SPRED3: variants seen among roughly 807,000 people sequenced by gnomAD.
SPRED3 encodes the protein sprouty-related, EVH1 domain-containing protein 3.
A neutral mutation model predicts 37.6 loss-of-function variants in SPRED3; 23 were observed. The ratio of observed to expected loss-of-function variants is 0.61; its 90% CI spans 0.44 to 0.87. SPRED3 has a LOEUF of 0.87. Ranked by LOEUF, SPRED3 falls within the 40% of genes least tolerant of loss-of-function variation. The probability of loss-of-function intolerance (pLI) is 0.00; values close to 1 mark genes in which losing one functional copy is unlikely to be tolerated. For missense variants in SPRED3, 584 were observed against 618.6 expected (o/e 0.94, Z 0.59); for synonymous variants, 302 against 279.6 (o/e 1.08, Z -0.80).
chr19:38,394,288 G>T, intron 4 of SPRED3: 1 of 1,416,706 alleles, frequency 7.1e-7, no homozygotes, highest in Non-Finnish European at 9.5e-7. Context: ...AAGACGATTA[G>T]ATGTTCCTCA....
chr19:38,389,463 G>C (rs1471183494), intron 1 of SPRED3: 5 of 149,586 alleles, frequency 3.3e-5, no homozygotes, highest in African/African-American at 1.2e-4. Flanking sequence ...TGGGGGGCGG[G>C]GTAAAATGGT....
rs1450911392 is a variant in SPRED3, at chr19:38,395,806, G to T, written c.894G>T (p.Val298=). 1 of 1,463,980 alleles carries T rather than the reference G, an allele frequency of 6.8e-7. No homozygotes were observed. Among genetic ancestry groups the T allele is most frequent in the Non-Finnish European group, 9.0e-7 (1 of 1,115,926 alleles). The allele number at this position is 1,463,980 out of a possible 1,614,324, so 90.7% of individuals were successfully genotyped here. The change falls in exon 6 of 6, where the codon GTG becomes GTT. Residue 298 remains valine (V), a synonymous_variant. Transcript: ENST00000691638. This position sits in a 1 kb window ranked among gnomAD's most constrained non-coding sequence, Gnocchi z 5.2. The part of the protein sequence containing the change: ...SPEAEEAARC[V]HCRALFRRRA... ...AAGCGGAGGAGGCAGCGCGCTGCGT[G>T]CATTGCCGCGCGCTCTTCCGTCGCA...
rs1970914645 is a variant in SPRED3, at chr19:38,397,732, C to A, written c.*1587C>A. Reference sequence around the variant, plus strand: ...AGCCCCCAGCAATCCTCAGAATTACCCCTTTATCTTAGGGTGGGATCCCTA... The same window carrying A: ...AGCCCCCAGCAATCCTCAGAATTACACCTTTATCTTAGGGTGGGATCCCTA... On this transcript the variant is annotated 3_prime_UTR_variant, in exon 6 of 6. Coordinates refer to ENST00000691638, the MANE Select transcript of SPRED3 (RefSeq NM_001394336.1). 6.6e-6 allele frequency: 1 copy of A among 152,090 alleles called. No individual in the cohort carries two copies. Among genetic ancestry groups the A allele is most frequent in the South Asian group, 2.1e-4 (1 of 4,814 alleles). 9.4% of individuals were successfully genotyped at this position (152,090 alleles called of 1,614,324 possible).
rs570021561 is a variant in SPRED3, at chr19:38,392,083, C to G, written c.315C>G (p.Ser105Arg). ...SPAEADEFQK[S>R]LLAALAALGR... is the part of the protein sequence containing the mutation. ...CAGAGGCTGATGAGTTCCAGAAGAG[C>G]CTGCTGGCTGCGCTGGCCGCACTGG... The change falls in exon 3 of 6, where the codon AGC (serine) becomes AGG (arginine). Residue 105 changes from serine to arginine, a missense_variant. By Grantham distance (110) the Ser-to-Arg change is moderately radical. This residue lies in a region of SPRED3 where 310 missense variants were observed against 281.1 expected (regional missense o/e 1.10). Coordinates refer to ENST00000691638, the MANE Select transcript of SPRED3 (RefSeq NM_001394336.1). 45 of 1,614,094 alleles carry G rather than the reference C, an allele frequency of 2.8e-5. 1 individual carries two copies. The South Asian group carries it at 4.8e-4, about 17-fold the overall frequency.
At chr19:38,391,908 G>A in intron 2 of SPRED3, 38 bp from the exon 3 acceptor site, 1 of 1,608,958 alleles carries the variant, frequency 6.2e-7, no homozygotes, top group East Asian at 2.2e-5. Context: ...GCATGTCTGG[G>A]TTGGGGTATC....
intron 4 of SPRED3, chr19:38,394,321 AG>A: frequency 6.8e-7 from 1 of 1,478,698 alleles, no homozygotes; most frequent in Non-Finnish European, 9.1e-7. Flanking sequence ...TGATTAGATC[AG>A]GAGAAGAGTC....
Position 38,395,329 on chromosome 19 carries a change from C to T in SPRED3, c.568-151C>T, listed in dbSNP as rs562703033. 4 of 726,930 alleles carry T rather than the reference C, an allele frequency of 5.5e-6. No homozygotes were observed. The South Asian group carries it at 9.9e-5, about 18-fold the overall frequency. 45.0% of individuals were successfully genotyped at this position (726,930 alleles called of 1,614,324 possible). ...GGTGCGTGGATTCCTCTGTCTGTCC[C>T]TGGAGAAAAGTGGGGATTGAGGGAC... On this transcript the variant is annotated intron_variant, in intron 5 of 5. Transcript: ENST00000691638. This position sits in a 1 kb window ranked among gnomAD's most constrained non-coding sequence, Gnocchi z 5.2.
At chr19:38,389,008 C>T (rs1970786852) in intron 1 of SPRED3, among the ~76,000 whole-genome samples, 1 of 152,212 alleles carries the variant, frequency 6.6e-6, no homozygotes, top group Non-Finnish European at 1.5e-5. Context: ...GGACTTTCTC[C>T]GAGGATGCCC....
intron 4 of SPRED3, chr19:38,394,401 G>A (rs753463892): frequency 1.9e-6 from 3 of 1,560,732 alleles, no homozygotes; most frequent in Non-Finnish European, 2.6e-6. Context: ...CCTTGACAGT[G>A]GCCCTAACCG....
At chr19:38,391,108 G>A (rs373212064) in intron 2 of SPRED3, among the ~76,000 whole-genome samples, 21 of 151,774 alleles carry the variant, frequency 1.4e-4, no homozygotes, top group African/African-American at 3.4e-4. Flanking sequence ...TGGAGTGAAG[G>A]AATATGGTGA....
At chr19:38,392,514 C>G in intron 4 of SPRED3, 3 of 472,254 alleles carry the variant, frequency 6.4e-6, no homozygotes, top group Non-Finnish European at 1.1e-5. Context: ...TTCTGTATAC[C>G]AGGCAGTGCT....
intron 2 of SPRED3, among the ~76,000 whole-genome samples, chr19:38,390,752 A>C (rs1600513236): frequency 1.7e-4 from 20 of 121,036 alleles, no homozygotes; most frequent in South Asian, 5.8e-4. Flanking sequence ...AGGCTGTTCC[A>C]CAGGGGGCAC....
At chr19:38,394,269 A>T (rs79210197) in intron 4 of SPRED3, 80,448 of 1,388,292 alleles carry the variant, frequency 0.058, 3,622 homozygotes, top group East Asian at 0.27. Flanking sequence ...AGGGATTCTG[A>T]GAAGCGGGAA....
chr19:38,392,220 A>ACCCCCTCCTCCT lies in SPRED3; in HGVS notation c.358_369dup (p.Pro120_Ser123dup), dbSNP rs1970841545. ...CTCTCTCCCTGCCCCAGGCTCACTC[A>ACCCCCTCCTCCT]CCCCCTCCTCCTCCTCCTCCTCCTC... is the stretch of plus-strand genomic sequence containing the variant. On this transcript the variant is annotated inframe_insertion, in exon 4 of 6. Transcript: ENST00000691638. 6.3e-7 allele frequency: 1 copy of ACCCCCTCCTCCT among 1,582,230 alleles called. No individual in the cohort carries two copies. The highest frequency in any genetic ancestry group is 8.6e-7 in the Non-Finnish European group (1 of 1,164,162).
At chr19:38,394,815 G>C (rs1970875543) in intron 5 of SPRED3, 29 bp downstream of exon 5, 1 of 1,524,668 alleles carries the variant, frequency 6.6e-7, no homozygotes, top group Non-Finnish European at 8.8e-7. Flanking sequence ...GGGCTCCTGG[G>C]GGAATGGGGC....
Position 38,388,710 on chromosome 19 carries a change from C to T in SPRED3, c.-102C>T, listed in dbSNP as rs977737093. The T allele has an allele frequency of 1.0e-5, 4 of 397,676 alleles. No individual in the cohort carries two copies. Among genetic ancestry groups the T allele is most frequent in the African/African-American group, 2.1e-5 (1 of 48,466 alleles). 24.6% of individuals were successfully genotyped at this position (397,676 alleles called of 1,614,324 possible). ...CCCCCTCGCCCCGGCTCCCGGTGCC[C>T]GTCTCCAGCGCCGCCGGAGCCAGCC... On this transcript the variant is annotated 5_prime_UTR_variant, in exon 1 of 6. Coordinates refer to ENST00000691638, the MANE Select transcript of SPRED3 (RefSeq NM_001394336.1).
chr19:38,392,239 C>A lies in SPRED3; in HGVS notation c.374C>A (p.Ser125Tyr), dbSNP rs562010901. 1.3e-6 allele frequency: 2 copies of A among 1,598,570 alleles called. No homozygotes were observed. The change falls in exon 4 of 6, where the codon TCC (serine) becomes TAC (tyrosine). Residue 125 changes from serine (S) to tyrosine (Y), a missense_variant. Around this residue, in one of 7 missense-constraint regions of SPRED3, gnomAD observed 310 missense variants for 281.1 expected, o/e 1.10. Coordinates refer to ENST00000691638, the MANE Select transcript of SPRED3 (RefSeq NM_001394336.1). ...RGSLTPSSSSSSSSPSQDTAE... is the reference protein window; with the variant it reads ...RGSLTPSSSSYSSSPSQDTAE... ...TCACTCACCCCCTCCTCCTCCTCCT[C>A]CTCCTCCTCTCCTTCCCAGGATACT...
Position 38,396,396 on chromosome 19 carries a change from A to G in SPRED3, c.*251A>G, listed in dbSNP as rs879330994. The G allele has an allele frequency of 1.1e-5, 3 of 282,438 alleles. No homozygotes were observed. The highest frequency in any genetic ancestry group is 5.9e-5 in the Admixed American group (1 of 17,074). The allele number at this position is 282,438 out of a possible 1,614,324, so 17.5% of individuals were successfully genotyped here. ...AGTTCTGGCGTTCCCCCACCCCCAC[A>G]CCCCACGAGGAGGCTCCAGGCGTCC... On this transcript the variant is annotated 3_prime_UTR_variant, in exon 6 of 6. Coordinates refer to ENST00000691638, the MANE Select transcript of SPRED3 (RefSeq NM_001394336.1).
chr19:38,389,728 G>C (rs1315887289), intron 1 of SPRED3: 1 of 148,380 alleles, frequency 6.7e-6, no homozygotes, highest in Non-Finnish European at 1.5e-5. Flanking sequence ...TCCCGTTGCT[G>C]GGTGACTCAG....
Sources: gnomAD v4.1 joint callset for allele counts (sites outside exome capture counted in the v4.1 genomes callset) on GRCh38, gnomAD v4.1.1 for gene constraint, gnomAD v4.1.1 regional missense constraint, Gnocchi (gnomAD v3.1) non-coding constraint, MANE v1.5 for transcripts, NCBI Gene and HGNC (gene_info 2026-07-23, HGNC 2026-07-21) for gene names.